Variants in ZFHX3 observed in about 807,000 individuals in gnomAD.
The protein encoded by ZFHX3 is zinc finger homeobox 3, also known as zinc finger homeobox protein 3.
ZFHX3 carries 42 observed loss-of-function variants against 279.1 expected under a neutral mutation model. The ratio of observed to expected loss-of-function variants is 0.15; its 90% CI spans 0.12 to 0.19. The LOEUF (loss-of-function observed/expected upper bound fraction) is 0.19. ZFHX3 is among the 10% of genes least tolerant of loss of function. The pLI is 1.00. For synonymous variants in ZFHX3, 2,293 were observed against 1,957.8 expected (o/e 1.17, Z -4.52); for missense variants, 4,981 against 4,754.0 (o/e 1.05, Z -1.40).
At chr16:73,247,969 T>G (rs2013350455) in intron 5 of ZFHX3, among the ~76,000 whole-genome samples, 1 of 151,936 alleles carries the variant, frequency 6.6e-6, no homozygotes, top group Admixed American at 6.6e-5. Flanking sequence ...TGTGTCTGTG[T>G]GTCTATGTGC....
At chr16:73,684,584 T>C (rs2053059364) in intron 1 of ZFHX3, among the ~76,000 whole-genome samples, 1 of 152,216 alleles carries the variant, frequency 6.6e-6, no homozygotes, top group Middle Eastern at 3.4e-3. Context: ...TTGGGTTACA[T>C]GGCAAAGAGG....
chr16:73,782,021 T>C (rs76721620), intron 1 of ZFHX3, among the ~76,000 whole-genome samples: 4,586 of 152,162 alleles, frequency 0.03, 248 homozygotes, highest in African/African-American at 0.1. Context: ...CAAGGAAGGC[T>C]ACCCTGGAAG....
chr16:73,235,551 A>C (rs183923494), intron 5 of ZFHX3, among the ~76,000 whole-genome samples: 2 of 152,286 alleles, frequency 1.3e-5, no homozygotes, highest in South Asian at 2.1e-4. Context: ...GATGAAATGG[A>C]CCGGAGAGGC....
intron 1 of ZFHX3, among the ~76,000 whole-genome samples, chr16:73,889,065 T>C (rs551986431): frequency 3.9e-5 from 6 of 152,244 alleles, no homozygotes; most frequent in African/African-American, 1.4e-4. Flanking sequence ...GCCCACTGAT[T>C]TGTAGATTGA....
At chr16:73,290,894 T>C (rs889169850) in intron 4 of ZFHX3, among the ~76,000 whole-genome samples, 14 of 152,208 alleles carry the variant, frequency 9.2e-5, no homozygotes, top group Non-Finnish European at 2.1e-4. Context: ...TGAGGATCTT[T>C]TGGGAGCAAA....
intron 2 of ZFHX3, among the ~76,000 whole-genome samples, chr16:73,577,882 G>T (rs114081113): frequency 2.8e-4 from 42 of 152,280 alleles, no homozygotes; most frequent in African/African-American, 9.9e-4. Flanking sequence ...TTACAAACAC[G>T]TTCCAGGTCA....
intron 3 of ZFHX3, among the ~76,000 whole-genome samples, chr16:73,364,112 G>GCA (rs1294436632): frequency 2.0e-5 from 3 of 151,840 alleles, no homozygotes; most frequent in Non-Finnish European, 2.9e-5. Context: ...GGCGGAGGTT[G>GCA]CAGTGAGCCG....
intron 2 of ZFHX3, among the ~76,000 whole-genome samples, chr16:73,674,028 C>T (rs2142187962): frequency 6.6e-6 from 1 of 152,258 alleles, no homozygotes; most frequent in South Asian, 2.1e-4. Flanking sequence ...AACTCAGAGA[C>T]AGATCATTGC....
chr16:73,846,487 T>G (rs1961451070), intron 1 of ZFHX3, among the ~76,000 whole-genome samples: 1 of 152,168 alleles, frequency 6.6e-6, no homozygotes, highest in African/African-American at 2.4e-5. Flanking sequence ...AACCCAAGTA[T>G]TCCCTCGAGG....
chr16:73,424,396 G>A (rs900619790), intron 3 of ZFHX3, among the ~76,000 whole-genome samples: 2 of 152,038 alleles, frequency 1.3e-5, no homozygotes, highest in African/African-American at 4.8e-5. Context: ...CTCTTCCAGG[G>A]GCTTCTGGTA....
exon 2 of ZFHX3, chr16:73,680,197 G>A (rs1036270365): frequency 6.6e-6 from 1 of 151,816 alleles, no homozygotes. Flanking sequence ...AAATTTCTTC[G>A]ACTTATTCTT....
chr16:73,650,105 G>A (rs1009934007), intron 2 of ZFHX3, among the ~76,000 whole-genome samples: 3 of 152,052 alleles, frequency 2.0e-5, no homozygotes, highest in African/African-American at 7.2e-5. Flanking sequence ...TAAAATGGCA[G>A]GCTCTGATCA....
At chr16:72,940,124 C>G (rs60177356) in intron 3 of ZFHX3, among the ~76,000 whole-genome samples, 34,890 of 151,734 alleles carry the variant, frequency 0.23, 5,350 homozygotes, top group East Asian at 0.66. Flanking sequence ...GTTGCCCAGG[C>G]TGGTCTTGAA....
chr16:73,571,609 A>G (rs368595532), intron 2 of ZFHX3, among the ~76,000 whole-genome samples: 3 of 151,154 alleles, frequency 2.0e-5, no homozygotes, highest in South Asian at 4.2e-4. Flanking sequence ...ACCAACACAC[A>G]TAATTTAGGT....
chr16:73,712,946 T>A (rs1400180398), intron 1 of ZFHX3, among the ~76,000 whole-genome samples: 1 of 152,178 alleles, frequency 6.6e-6, no homozygotes, highest in Admixed American at 6.5e-5. Context: ...TGTCTGCTGA[T>A]GGGGGCTCCG....
At chr16:73,855,622 A>G (rs1961708098) in intron 1 of ZFHX3, among the ~76,000 whole-genome samples, 1 of 152,244 alleles carries the variant, frequency 6.6e-6, no homozygotes, top group Non-Finnish European at 1.5e-5. Context: ...AACTTTATAG[A>G]CAAGAGTGAA....
intron 1 of ZFHX3, among the ~76,000 whole-genome samples, chr16:73,706,959 T>C (rs1250809408): frequency 2.6e-5 from 4 of 152,186 alleles, no homozygotes; most frequent in Non-Finnish European, 4.4e-5. Flanking sequence ...TTGCACACAG[T>C]AGGAGTTTAA....
chr16:73,127,665 G>C, intron 7 of ZFHX3: 1 of 1,210,972 alleles, frequency 8.3e-7, no homozygotes, highest in Non-Finnish European at 1.1e-6. Context: ...TGATTAATTA[G>C]TTCATTTAAA....
At chr16:73,490,824 A>T (rs1201599310) in intron 2 of ZFHX3, among the ~76,000 whole-genome samples, 1 of 152,160 alleles carries the variant, frequency 6.6e-6, no homozygotes, top group Non-Finnish European at 1.5e-5. Context: ...ACAACAGAAC[A>T]AGACCCTGTC....
Sources: allele counts gnomAD v4.1 joint callset (sites outside exome capture counted in the v4.1 genomes callset), GRCh38; gene constraint gnomAD v4.1.1; transcripts MANE v1.5; gene names NCBI Gene and HGNC (gene_info 2026-07-23, HGNC 2026-07-21).